The following SEMA3A variants were observed in gnomAD, a reference collection of about 807,000 sequenced individuals.
The protein encoded by SEMA3A is semaphorin-3A.
A neutral mutation model predicts 97.9 loss-of-function variants in SEMA3A; 29 were observed. The ratio of observed to expected loss-of-function variants is 0.30; its 90% CI spans 0.22 to 0.40. SEMA3A has a LOEUF of 0.40. Among genes scored for constraint, SEMA3A ranks in the 10% least tolerant of loss-of-function variants. The probability of loss-of-function intolerance (pLI) is 1.00; values close to 1 mark genes in which losing one functional copy is unlikely to be tolerated. For synonymous variants in SEMA3A, 321 were observed against 323.7 expected (o/e 0.99, Z 0.09); for missense variants, 763 against 951.3 (o/e 0.80, Z 2.60).
rs144514304 is a variant in SEMA3A at position 84,097,229 on chromosome 7, G to A, written c.453+13241C>T. On this transcript the variant is annotated intron_variant, in intron 4 of 16. Transcript: ENST00000265362. Reference sequence around the variant, plus strand: ...TTAAAAGGATCTTGAACCCTGGCACGTATACAAAACCGCATTTGCAACACA... The same window carrying A: ...TTAAAAGGATCTTGAACCCTGGCACATATACAAAACCGCATTTGCAACACA... Among the ~76,000 whole-genome samples, 390 of 152,208 alleles carry A rather than the reference G, an allele frequency of 2.6e-3. 3 individuals carry two copies. Among genetic ancestry groups the A allele is most frequent in the South Asian group, 0.017 (80 of 4,828 alleles).
At chr7:84,365,574 C>G (rs930180203) in intron 2 of SEMA3A, among the ~76,000 whole-genome samples, 33 of 151,474 alleles carry the variant, frequency 2.2e-4, no homozygotes, top group Non-Finnish European at 8.9e-5. Context: ...GTATCTCATA[C>G]TGTATTATTA....
intron 3 of SEMA3A, among the ~76,000 whole-genome samples, chr7:84,258,083 C>T (rs868439396): frequency 3.9e-5 from 6 of 152,254 alleles, no homozygotes; most frequent in East Asian, 3.9e-4. Flanking sequence ...TTCAAAGACT[C>T]GTTCTCCCCT....
chr7:84,107,407 A>T (rs1264950720), intron 4 of SEMA3A, among the ~76,000 whole-genome samples: 1 of 152,180 alleles, frequency 6.6e-6, no homozygotes, highest in Non-Finnish European at 1.5e-5. Context: ...GACTGCTTCA[A>T]ATTCCCCAGG....
chr7:84,261,053 A>G (rs569240100), intron 3 of SEMA3A, among the ~76,000 whole-genome samples: 54 of 152,274 alleles, frequency 3.5e-4, no homozygotes, highest in Non-Finnish European at 6.6e-4. Context: ...CAACTCACAC[A>G]GACATTGGGA....
chr7:84,216,560 C>T (rs1481142292), intron 3 of SEMA3A, among the ~76,000 whole-genome samples: 5 of 152,060 alleles, frequency 3.3e-5, no homozygotes, highest in Admixed American at 1.3e-4. Context: ...TAAAACAGCA[C>T]AACAGAAGAG....
At chr7:84,476,692 A>G (rs1401920825) in intron 1 of SEMA3A, among the ~76,000 whole-genome samples, 1 of 152,170 alleles carries the variant, frequency 6.6e-6, no homozygotes, top group Non-Finnish European at 1.5e-5. Context: ...GGATAAATTA[A>G]CCAAAAAGTG....
intron 1 of SEMA3A, among the ~76,000 whole-genome samples, chr7:84,404,982 T>A (rs1804031819): frequency 6.6e-6 from 1 of 152,104 alleles, no homozygotes; most frequent in Non-Finnish European, 1.5e-5. Flanking sequence ...AGAAACTGTA[T>A]CAACTAACGA....
intron 3 of SEMA3A, among the ~76,000 whole-genome samples, chr7:84,285,316 C>T (rs114496983): frequency 2.2e-4 from 34 of 152,070 alleles, no homozygotes; most frequent in African/African-American, 7.5e-4. Context: ...CTTTATGCTC[C>T]ACCAAAGGTT....
rs140677658 is a variant in SEMA3A, at chr7:84,219,836, A to G, written c.-82-25168T>C. 8.7e-4 allele frequency among the ~76,000 whole-genome samples: 132 copies of G among 152,240 alleles called. 1 individual carries two copies. Among genetic ancestry groups the G allele is most frequent in the African/African-American group, 3.0e-3 (124 of 41,536 alleles). The stretch of plus-strand genomic sequence containing the variant: ...ATGTTATGAAAATGGCTGCTTTTCT[A>G]AACCGCATGAACCAACCCCTGCTAG... On this transcript the variant is annotated intron_variant, in intron 3 of 3. Coordinates refer to the SEMA3A transcript ENST00000424555.
chr7:84,391,657 T>C (rs1306943013), intron 1 of SEMA3A, among the ~76,000 whole-genome samples: 2 of 152,130 alleles, frequency 1.3e-5, no homozygotes, highest in Middle Eastern at 3.4e-3. Flanking sequence ...AATGATTCAC[T>C]TGAAAAACAT....
chr7:84,452,341 G>A (rs1489004274), intron 1 of SEMA3A, among the ~76,000 whole-genome samples: 1 of 152,058 alleles, frequency 6.6e-6, no homozygotes, highest in Non-Finnish European at 1.5e-5. Flanking sequence ...GTGCCATAAG[G>A]CTTCCTTTAT....
At position 84,001,995 on chromosome 7, in the gene SEMA3A, TC is replaced by T; in HGVS notation, c.1411del (p.Asp471IlefsTer2). The stretch of plus-strand genomic sequence containing the variant: ...TTCTTCCAGCAGAACCTCTTCTAAA[TC>T]ATACCAAGTCTCCTTAGGAATTGAA... ...VVSIPKETWY[D>X]LEEVLLEEMT... is the part of the protein sequence containing the mutation. On this transcript the variant is annotated frameshift_variant, in exon 12 of 17. Transcript: ENST00000265362. LOFTEE classifies it high-confidence loss of function. 6.2e-7 allele frequency: 1 copy of T among 1,612,850 alleles called. No individual in the cohort carries two copies. The highest frequency in any genetic ancestry group is 8.5e-7 in the Non-Finnish European group (1 of 1,179,302).
chr7:84,467,546 A>G (rs1039343360), intron 1 of SEMA3A, among the ~76,000 whole-genome samples: 21 of 151,196 alleles, frequency 1.4e-4, no homozygotes, highest in Non-Finnish European at 1.3e-4. Context: ...AAAAAAAAAA[A>G]AAAAATTCAA....
intron 1 of SEMA3A, among the ~76,000 whole-genome samples, chr7:84,447,604 T>C (rs1315106275): frequency 6.6e-6 from 1 of 152,232 alleles, no homozygotes; most frequent in Non-Finnish European, 1.5e-5. Flanking sequence ...CTCATTGGAA[T>C]GACCTGCCTG....
chr7:84,088,609 G>C (rs753009825), intron 4 of SEMA3A, among the ~76,000 whole-genome samples: 2 of 152,056 alleles, frequency 1.3e-5, no homozygotes, highest in African/African-American at 2.4e-5. Context: ...CTATATGCTG[G>C]TTGATTGGGA....
At chr7:84,134,013 A>G (rs999689418) in intron 2 of SEMA3A, among the ~76,000 whole-genome samples, 9 of 152,136 alleles carry the variant, frequency 5.9e-5, no homozygotes, top group African/African-American at 1.9e-4. Context: ...GTGAGCCAAG[A>G]TCGCGCCACT....
chr7:84,120,823 A>T (rs1391390648), intron 3 of SEMA3A, among the ~76,000 whole-genome samples: 1 of 152,172 alleles, frequency 6.6e-6, no homozygotes, highest in Admixed American at 6.5e-5. Context: ...GCTTTCATGA[A>T]TACTAACAAA....
chr7:84,200,090 C>T (rs151020309), upstream of SEMA3A, among the ~76,000 whole-genome samples: 186 of 151,908 alleles, frequency 1.2e-3, no homozygotes, highest in African/African-American at 4.0e-3. Context: ...GACCCACCCT[C>T]ATCATGAATA....
Position 84,310,810 on chromosome 7 carries a change from T to C in SEMA3A, c.-168-3518A>G, listed in dbSNP as rs541528468. ...TATTAATATTGCTAGAAAATTTCAT[T>C]TCAAATTTAAAATATTTCCCTCACT... On this transcript the variant is annotated intron_variant, in intron 2 of 3. Transcript: ENST00000424555. 4.6e-5 allele frequency among the ~76,000 whole-genome samples: 7 copies of C among 152,154 alleles called. No individual in the cohort carries two copies. In the East Asian group the frequency reaches 1.3e-3, roughly 29 times the overall value.
Sources: gnomAD v4.1 joint callset for allele counts (sites outside exome capture counted in the v4.1 genomes callset) on GRCh38, gnomAD v4.1.1 for gene constraint, MANE v1.5 for transcripts, NCBI Gene and HGNC (gene_info 2026-07-23, HGNC 2026-07-21) for gene names.